HTR3B: variants seen among roughly 807,000 people sequenced by gnomAD.
The protein encoded by HTR3B is 5-hydroxytryptamine (serotonin) receptor 3B, ionotropic.
A neutral mutation model predicts 42.8 loss-of-function variants in HTR3B; 44 were observed. The observed-to-expected ratio is 1.03, with a 90% CI of 0.81 to 1.32. The LOEUF (loss-of-function observed/expected upper bound fraction) is 1.32. Ranked by LOEUF, HTR3B falls within the 40% of genes most tolerant of loss-of-function variation. The pLI is 0.00. For missense variants in HTR3B, 527 were observed against 536.5 expected, an observed-to-expected ratio of 0.98 and a Z score of 0.17; for synonymous variants, 203 against 209.0, an observed-to-expected ratio of 0.97 and a Z score of 0.25.
intron 1 of HTR3B, among the ~76,000 whole-genome samples, chr11:113,905,365 A>G (rs116913876): frequency 2.6e-5 from 4 of 152,312 alleles, no homozygotes; most frequent in Non-Finnish European, 5.9e-5. Flanking sequence ...ATTATCCAAA[A>G]TAGTCTTGGC....
intron 7 of HTR3B, among the ~76,000 whole-genome samples, chr11:113,944,264 C>A (rs555694636): frequency 3.9e-5 from 6 of 152,046 alleles, no homozygotes; most frequent in African/African-American, 9.7e-5. Context: ...GTGATCCACC[C>A]GCCTCAGCCT....
chr11:113,902,391 G>C (rs1449214231), upstream of HTR3B, among the ~76,000 whole-genome samples: 11 of 151,910 alleles, frequency 7.2e-5, no homozygotes, highest in Non-Finnish European at 2.9e-5. Flanking sequence ...CTGCCTTCTG[G>C]GTTCACAAGA....
chr11:113,910,253 C>T (rs2077151587), intron 2 of HTR3B, among the ~76,000 whole-genome samples: 1 of 152,088 alleles, frequency 6.6e-6, no homozygotes, highest in Admixed American at 6.6e-5. Flanking sequence ...ATTAAAGCAT[C>T]CTTTTTCTCC....
chr11:113,921,928 T>C (rs1949919459), intron 2 of HTR3B, among the ~76,000 whole-genome samples: 1 of 152,170 alleles, frequency 6.6e-6, no homozygotes, highest in Admixed American at 6.5e-5. Context: ...CTTACAGAAA[T>C]CTGAAAAAAT....
chr11:113,900,924 A>G (rs190049226), upstream of HTR3B, among the ~76,000 whole-genome samples: 1 of 152,234 alleles, frequency 6.6e-6, no homozygotes, highest in East Asian at 1.9e-4. Flanking sequence ...ATGAGAACTC[A>G]CTATCATGAG....
chr11:113,937,855 C>G (rs1380930930), intron 6 of HTR3B, among the ~76,000 whole-genome samples: 3 of 152,198 alleles, frequency 2.0e-5, no homozygotes, highest in Non-Finnish European at 4.4e-5. Flanking sequence ...AACTGGGTGG[C>G]TCAAAACAAC....
At chr11:113,905,534 G>C (rs1251960396) in intron 1 of HTR3B, among the ~76,000 whole-genome samples, 2 of 152,068 alleles carry the variant, frequency 1.3e-5, no homozygotes, top group Non-Finnish European at 2.9e-5. Context: ...CTATAAACTG[G>C]TAAGTTTTGA....
intron 2 of HTR3B, among the ~76,000 whole-genome samples, chr11:113,917,998 G>A (rs1174207396): frequency 6.6e-6 from 1 of 151,998 alleles, no homozygotes; most frequent in East Asian, 1.9e-4. Context: ...TCTTATGCTT[G>A]CTTCCCACAT....
chr11:113,905,711 C>G (rs2137480474), intron 1 of HTR3B, among the ~76,000 whole-genome samples: 1 of 152,268 alleles, frequency 6.6e-6, no homozygotes, highest in East Asian at 1.9e-4. Context: ...TATGATTATG[C>G]TGGTGTTCTC....
At chr11:113,944,861 A>G (rs1950164868) in intron 8 of HTR3B, 106 bp downstream of exon 8, 5 of 1,000,492 alleles carry the variant, frequency 5.0e-6, no homozygotes, top group South Asian at 4.2e-5. Context: ...TGAAAAACCT[A>G]CAACAACTGC....
chr11:113,944,434 A>T, intron 7 of HTR3B, 139 bp from the exon 8 acceptor site: 1 of 722,482 alleles, frequency 1.4e-6, no homozygotes, highest in Non-Finnish European at 2.3e-6. Context: ...CCAATACGTT[A>T]AGGCTACAGT....
At chr11:113,945,291 T>C (rs1288743173) in intron 8 of HTR3B, among the ~76,000 whole-genome samples, 1 of 152,072 alleles carries the variant, frequency 6.6e-6, no homozygotes, top group African/African-American at 2.4e-5. Context: ...TGTGCCACCA[T>C]GCCTTGCTAA....
rs1950147549 is a variant in HTR3B, at chr11:113,942,963, A to C, written c.697-19A>C. 1 of 1,611,912 alleles carries C rather than the reference A, an allele frequency of 6.2e-7. No homozygotes were observed. The highest frequency in any genetic ancestry group is 2.2e-5 in the East Asian group (1 of 44,870). ...TTGGCCTAGATCCTCTTTTCATCAG[A>C]CCACTTGTTCCCGGCCAGGTGGTGA... On this transcript the variant is annotated intron_variant, in intron 6 of 8. Coordinates refer to ENST00000260191, the MANE Select transcript of HTR3B (RefSeq NM_006028.5).
intron 5 of HTR3B, 91 bp from the exon 6 acceptor site, chr11:113,932,845 C>A: frequency 7.5e-7 from 1 of 1,334,736 alleles, no homozygotes; most frequent in Non-Finnish European, 1.1e-6. Context: ...GGCAGGAGAA[C>A]GAGGAAGGAT....
intron 7 of HTR3B, among the ~76,000 whole-genome samples, chr11:113,944,089 C>T (rs1295127197): frequency 1.3e-5 from 2 of 150,092 alleles, no homozygotes; most frequent in Admixed American, 6.6e-5. Context: ...GTGTGATCTC[C>T]GCTCCCTGCA....
At chr11:113,918,662 AT>A (rs35902629) in intron 2 of HTR3B, among the ~76,000 whole-genome samples, 61 of 130,010 alleles carry the variant, frequency 4.7e-4, no homozygotes, top group African/African-American at 1.2e-3. Flanking sequence ...CAATCTATGC[AT>A]TTTTTTTTTT....
rs1565570384 is a variant in HTR3B at position 113,947,247 on chromosome 11, G to A, written c.*1110G>A. ...GCCTCCCGAGTAGCTGGAACTACAG[G>A]TGCATGCCACCACACCCAGCTAATT... On this transcript the variant is annotated 3_prime_UTR_variant, in exon 9 of 9. Transcript: ENST00000260191. Among the ~76,000 whole-genome samples the A allele has an allele frequency of 1.3e-5, 2 of 151,950 alleles. No homozygotes were observed. Among genetic ancestry groups the A allele is most frequent in the Admixed American group, 6.6e-5 (1 of 15,252 alleles).
intron 2 of HTR3B, among the ~76,000 whole-genome samples, chr11:113,926,382 T>G (rs1949971905): frequency 6.6e-6 from 1 of 151,608 alleles, no homozygotes; most frequent in African/African-American, 2.4e-5. Flanking sequence ...GTTATATACT[T>G]CTGAGTAGAA....
chr11:113,945,327 G>A (rs1216334958), intron 8 of HTR3B, among the ~76,000 whole-genome samples: 2 of 152,008 alleles, frequency 1.3e-5, no homozygotes, highest in African/African-American at 4.8e-5. Flanking sequence ...TAGAGACAGG[G>A]TTTCACCATG....
Sources: gnomAD v4.1 joint callset for allele counts (sites outside exome capture counted in the v4.1 genomes callset) on GRCh38, gnomAD v4.1.1 for gene constraint, MANE v1.5 for transcripts, NCBI Gene and HGNC (gene_info 2026-07-23, HGNC 2026-07-21) for gene names.